Variants in TTC39B observed in about 807,000 individuals in gnomAD.
The protein encoded by TTC39B is tetratricopeptide repeat domain 39B, also known as tetratricopeptide repeat protein 39B.
A neutral mutation model predicts 96.6 loss-of-function variants in TTC39B; 92 were observed. The observed-to-expected ratio is 0.95, with a 90% confidence interval of 0.80 to 1.13. TTC39B has a LOEUF of 1.13. TTC39B is among the 50% of genes most tolerant of loss of function. TTC39B has a pLI of 0.00. For synonymous variants in TTC39B, 367 were observed against 299.4 expected (o/e 1.23, Z -2.33); for missense variants, 955 against 809.3 (o/e 1.18, Z -2.18).
At chr9:15,192,907 G>T (rs1288356011) in intron 8 of TTC39B, among the ~76,000 whole-genome samples, 6 of 152,136 alleles carry the variant, frequency 3.9e-5, no homozygotes, top group Admixed American at 1.3e-4. Flanking sequence ...ACAGTGTCTA[G>T]CAGGACCAGT....
chr9:15,285,712 G>T (rs577019876), intron 1 of TTC39B, among the ~76,000 whole-genome samples: 3 of 152,054 alleles, frequency 2.0e-5, no homozygotes, highest in Non-Finnish European at 2.9e-5. Context: ...AAAATTAGCC[G>T]GGCTTGGTGG....
intron 1 of TTC39B, among the ~76,000 whole-genome samples, chr9:15,297,654 G>T (rs1824428921): frequency 6.6e-6 from 1 of 152,062 alleles, no homozygotes; most frequent in African/African-American, 2.4e-5. Context: ...GGTACCCTTG[G>T]GTCGTCAGTG....
At chr9:15,198,308 T>G (rs1215208258) in intron 8 of TTC39B, among the ~76,000 whole-genome samples, 1 of 151,880 alleles carries the variant, frequency 6.6e-6, no homozygotes, top group Non-Finnish European at 1.5e-5. Flanking sequence ...AATACAAAAA[T>G]TAGCTGGCCG....
intron 2 of TTC39B, among the ~76,000 whole-genome samples, chr9:15,245,106 C>CT (rs1822217613): frequency 6.6e-6 from 1 of 152,192 alleles, no homozygotes; most frequent in African/African-American, 2.4e-5. Flanking sequence ...CTATCTGTTT[C>CT]TTAATCCAGA....
Position 15,306,963 on chromosome 9 carries a change from C to G in TTC39B, c.240+121G>C. 2 of 1,434,912 alleles carry G rather than the reference C, an allele frequency of 1.4e-6. No homozygotes were observed. Among genetic ancestry groups the G allele is most frequent in the Non-Finnish European group, 1.9e-6 (2 of 1,073,666 alleles). 88.9% of individuals were successfully genotyped at this position (1,434,912 alleles called of 1,614,324 possible). On this transcript the variant is annotated intron_variant, in intron 1 of 19. Transcript: ENST00000512701. The surrounding 1 kb of genome is among the most constrained non-coding windows in gnomAD (Gnocchi z 5.1). ...GCGCCCCCACCCGGCGCCCGCCAGCCCACCCCAGAGAGGGGACCAAGGGGG... is the reference window on the plus strand; with the variant it reads ...GCGCCCCCACCCGGCGCCCGCCAGCGCACCCCAGAGAGGGGACCAAGGGGG...
chr9:15,287,116 T>G (rs1824002388), intron 1 of TTC39B, among the ~76,000 whole-genome samples: 1 of 152,252 alleles, frequency 6.6e-6, no homozygotes, highest in Admixed American at 6.5e-5. Flanking sequence ...CTGCTTGATT[T>G]GCCATTCTCT....
intron 2 of TTC39B, among the ~76,000 whole-genome samples, chr9:15,245,361 A>G (rs1822229026): frequency 6.6e-6 from 1 of 152,206 alleles, no homozygotes; most frequent in Non-Finnish European, 1.5e-5. Context: ...GCATATAAAT[A>G]TTCGAGTAAT....
chr9:15,261,406 T>G (rs571057212), intron 2 of TTC39B, among the ~76,000 whole-genome samples: 1 of 152,048 alleles, frequency 6.6e-6, no homozygotes, highest in African/African-American at 2.4e-5. Context: ...ACCCAGGAGT[T>G]TGGGGCTGCA....
chr9:15,282,149 A>T (rs1267756476), intron 1 of TTC39B, among the ~76,000 whole-genome samples: 1 of 152,250 alleles, frequency 6.6e-6, no homozygotes, highest in African/African-American at 2.4e-5. Context: ...TCTAACAAGA[A>T]GCAATTAAAC....
chr9:15,183,960 C>G (rs950165104), intron 16 of TTC39B, among the ~76,000 whole-genome samples: 2 of 152,156 alleles, frequency 1.3e-5, no homozygotes, highest in Non-Finnish European at 2.9e-5. Context: ...AGGTGCTAGG[C>G]GCAGGCTAAC....
At chr9:15,214,692 T>G (rs1820413994) in intron 3 of TTC39B, among the ~76,000 whole-genome samples, 1 of 152,216 alleles carries the variant, frequency 6.6e-6, no homozygotes, top group African/African-American at 2.4e-5. Flanking sequence ...TTGTTCTGTT[T>G]TGATTTCTCC....
intron 1 of TTC39B, among the ~76,000 whole-genome samples, chr9:15,287,009 G>A (rs1409794484): frequency 7.1e-6 from 1 of 141,370 alleles, no homozygotes; most frequent in Non-Finnish European, 1.6e-5. Flanking sequence ...ATCTTAGAAG[G>A]CTAAGGAATA....
intron 1 of TTC39B, among the ~76,000 whole-genome samples, chr9:15,302,433 G>A (rs903574261): frequency 6.7e-6 from 1 of 149,388 alleles, no homozygotes; most frequent in Non-Finnish European, 1.5e-5. Flanking sequence ...TGGCCAATAT[G>A]GTGAAACCTC....
chr9:15,192,601 C>T, exon 9 of TTC39B: 5 of 1,613,342 alleles, frequency 3.1e-6, no homozygotes, highest in Non-Finnish European at 2.5e-6. Context: ...AAATTAAAGG[C>T]CCCACTGCCA....
intron 1 of TTC39B, among the ~76,000 whole-genome samples, chr9:15,285,826 G>C (rs478974): frequency 0.78 from 118,018 of 151,478 alleles, 46,275 homozygotes; most frequent in East Asian, 0.89. Flanking sequence ...CTGCACTCCA[G>C]CCCAGGGGAC....
chr9:15,189,192 C>G (rs1170060184), intron 13 of TTC39B, among the ~76,000 whole-genome samples: 1 of 152,108 alleles, frequency 6.6e-6, no homozygotes, highest in East Asian at 1.9e-4. Flanking sequence ...TTGAGGGGTC[C>G]TTTGATACGG....
In TTC39B at chr9:15,306,942, C is replaced by T; in HGVS notation, c.240+142G>A. ...GGACAGACCTACCAAGGCCGGGCGC[C>T]CCCACCCGGCGCCCGCCAGCCCACC... On this transcript the variant is annotated intron_variant, in intron 1 of 19. Coordinates refer to ENST00000512701, the Ensembl canonical transcript of TTC39B. This position sits in a 1 kb window ranked among gnomAD's most constrained non-coding sequence, Gnocchi z 5.1. 2 of 1,254,392 alleles carry T rather than the reference C, an allele frequency of 1.6e-6. No individual in the cohort carries two copies. The highest frequency in any genetic ancestry group is 2.2e-6 in the Non-Finnish European group (2 of 920,778). The allele number at this position is 1,254,392 out of a possible 1,614,324, so 77.7% of individuals were successfully genotyped here.
intron 1 of TTC39B, among the ~76,000 whole-genome samples, chr9:15,286,364 T>C (rs1418897778): frequency 6.6e-6 from 1 of 152,244 alleles, no homozygotes; most frequent in African/African-American, 2.4e-5. Flanking sequence ...TAAACAGTAG[T>C]ATCTTCCTGT....
At chr9:15,254,978 G>A (rs552582831) in intron 2 of TTC39B, among the ~76,000 whole-genome samples, 171 of 151,720 alleles carry the variant, frequency 1.1e-3, no homozygotes, top group Non-Finnish European at 1.8e-3. Context: ...TTGCCTACAG[G>A]GGAGACCAAA....
Sources: gnomAD v4.1 joint callset for allele counts (sites outside exome capture counted in the v4.1 genomes callset) on GRCh38, gnomAD v4.1.1 for gene constraint, Gnocchi (gnomAD v3.1) non-coding constraint, MANE v1.5 for transcripts, NCBI Gene and HGNC (gene_info 2026-07-23, HGNC 2026-07-21) for gene names.